The following ERGIC1 variants were observed in gnomAD, a reference collection of about 807,000 sequenced individuals.
ERGIC1 encodes endoplasmic reticulum-golgi intermediate compartment 1, also known as endoplasmic reticulum-Golgi intermediate compartment protein 1.
In ERGIC1, 19 loss-of-function variants were observed where a neutral mutation model predicts 38.3. The observed-to-expected ratio is 0.50, with a 90% confidence interval of 0.35 to 0.73. The LOEUF is 0.73. ERGIC1 is among the 30% of genes least tolerant of loss of function. The pLI is 0.01. For synonymous variants in ERGIC1, 124 were observed against 157.6 expected (o/e 0.79, Z 1.60); for missense variants, 294 against 389.2 (o/e 0.76, Z 2.06).
chr5:172,918,331 TA>T (rs1227598278), intron 5 of ERGIC1: 1 of 152,246 alleles, frequency 6.6e-6, no homozygotes, highest in Non-Finnish European at 1.5e-5. Flanking sequence ...TTTAAGCATT[TA>T]AAACGTAGGT....
chr5:172,879,939 A>C (rs145128279), intron 1 of ERGIC1, among the ~76,000 whole-genome samples: 24 of 152,304 alleles, frequency 1.6e-4, no homozygotes, highest in African/African-American at 5.3e-4. Context: ...CCAAAAGACA[A>C]ATGTCCACTG....
chr5:172,915,877 G>T, intron 5 of ERGIC1: 1 of 302,990 alleles, frequency 3.3e-6, no homozygotes. Flanking sequence ...CTGAGCTGGG[G>T]TTGCAAAGTC....
At chr5:172,885,567 T>TG (rs906836824) in intron 1 of ERGIC1, among the ~76,000 whole-genome samples, 3 of 152,178 alleles carry the variant, frequency 2.0e-5, no homozygotes, top group Admixed American at 6.5e-5. Context: ...TTAATCTGCA[T>TG]GGGAACTTTT....
intron 9 of ERGIC1, among the ~76,000 whole-genome samples, chr5:172,947,876 TTGTGTGTG>T (rs10566172): frequency 2.6e-4 from 38 of 145,824 alleles, no homozygotes; most frequent in South Asian, 2.0e-3. Context: ...CAGATGTGTT[TTGTGTGTG>T]TGTGTGTGTG....
chr5:172,917,678 A>G (rs991208328), intron 5 of ERGIC1: 2 of 152,108 alleles, frequency 1.3e-5, no homozygotes, highest in East Asian at 1.9e-4. Context: ...TGGATGGGGG[A>G]AAAATTGACA....
chr5:172,876,154 G>T (rs6882837), intron 1 of ERGIC1, among the ~76,000 whole-genome samples: 53,712 of 151,894 alleles, frequency 0.35, 9,589 homozygotes, highest in East Asian at 0.45. Context: ...GGATCACTGC[G>T]TTCAGGCAGG....
intron 2 of ERGIC1, among the ~76,000 whole-genome samples, chr5:172,890,141 C>T (rs371329938): frequency 3.3e-5 from 5 of 152,178 alleles, no homozygotes; most frequent in Non-Finnish European, 7.3e-5. Flanking sequence ...ACGTGCATAT[C>T]GTGAGCCCCT....
chr5:172,898,280 C>T (rs561413216), intron 3 of ERGIC1: 1 of 159,144 alleles, frequency 6.3e-6, no homozygotes, highest in South Asian at 2.0e-4. Context: ...CTTTAGTTCT[C>T]AAACAGCCTC....
At chr5:172,863,151 A>G (rs927623637) in intron 1 of ERGIC1, among the ~76,000 whole-genome samples, 1 of 152,142 alleles carries the variant, frequency 6.6e-6, no homozygotes, top group African/African-American at 2.4e-5. Context: ...GGGTTTCGTC[A>G]TATTGGCCAG....
At chr5:172,835,764 C>T (rs1368305223) in intron 1 of ERGIC1, among the ~76,000 whole-genome samples, 1 of 152,198 alleles carries the variant, frequency 6.6e-6, no homozygotes, top group East Asian at 1.9e-4. Context: ...GGTTTTCCAG[C>T]CTGTCCGGGT....
intron 5 of ERGIC1, chr5:172,915,784 A>G (rs1031011308): frequency 5.7e-5 from 22 of 385,360 alleles, no homozygotes; most frequent in Non-Finnish European, 2.2e-5. Context: ...GCCCCAGCCA[A>G]ACTGAGCCAC....
In ERGIC1 at chr5:172,839,070, G is replaced by A. The variant is rs960682834; in HGVS notation, c.20+4637G>A. On this transcript the variant is annotated intron_variant, in intron 1 of 9. Coordinates refer to ENST00000393784, the MANE Select transcript of ERGIC1 (RefSeq NM_001031711.3). The stretch of plus-strand genomic sequence containing the variant: ...AGCCTGGCCAACATGGTGAAACCCC[G>A]TCTCTAATAAAAATACAAAAATCAG... 4.6e-5 allele frequency among the ~76,000 whole-genome samples: 7 copies of A among 151,544 alleles called. No individual in the cohort carries two copies. In the South Asian group the frequency reaches 1.0e-3, roughly 23 times the overall value.
Position 172,926,193 on chromosome 5 carries a change from T to G in ERGIC1, c.481-316T>G, listed in dbSNP as rs34291941. ...TAGCCACTTACCAGCCGGGCAAGTTTTGGTGTCTTTCCAAGCCTTGATTTG... is the reference window on the plus strand; with the variant it reads ...TAGCCACTTACCAGCCGGGCAAGTTGTGGTGTCTTTCCAAGCCTTGATTTG... On this transcript the variant is annotated intron_variant, in intron 6 of 9. Transcript: ENST00000393784. This position sits in a 1 kb window ranked among gnomAD's most constrained non-coding sequence, Gnocchi z 5.2. 3.9e-5 allele frequency among the ~76,000 whole-genome samples: 6 copies of G among 152,180 alleles called. No individual in the cohort carries two copies. Among genetic ancestry groups the G allele is most frequent in the African/African-American group, 1.4e-4 (6 of 41,432 alleles).
At chr5:172,858,810 A>G (rs2113086901) in intron 1 of ERGIC1, among the ~76,000 whole-genome samples, 1 of 152,326 alleles carries the variant, frequency 6.6e-6, no homozygotes, top group Non-Finnish European at 1.5e-5. Context: ...GGCCCTGCCC[A>G]AGATTCCAAG....
At chr5:172,915,743 C>A in intron 5 of ERGIC1, 1 of 427,550 alleles carries the variant, frequency 2.3e-6, no homozygotes, top group Non-Finnish European at 5.0e-6. Context: ...GGTCACACAG[C>A]TATCTGCATG....
At position 172,950,893 on chromosome 5, in the gene ERGIC1, C is replaced by G; in HGVS notation, c.*77C>G. 3.9e-6 allele frequency: 5 copies of G among 1,290,156 alleles called. No homozygotes were observed. Among genetic ancestry groups the G allele is most frequent in the Non-Finnish European group, 5.4e-6 (5 of 932,996 alleles). The allele number at this position is 1,290,156 out of a possible 1,614,324, so 79.9% of individuals were successfully genotyped here. On this transcript the variant is annotated 3_prime_UTR_variant, in exon 10 of 10. Coordinates refer to ENST00000393784, the MANE Select transcript of ERGIC1 (RefSeq NM_001031711.3). ...CCAGTGCCCTGTCTCCTTTGGCCCT[C>G]AATCTGGTCCCAAATCTGGCTGTGT...
At chr5:172,872,801 G>T (rs1218044216) in intron 1 of ERGIC1, among the ~76,000 whole-genome samples, 1 of 151,324 alleles carries the variant, frequency 6.6e-6, no homozygotes, top group Non-Finnish European at 1.5e-5. Flanking sequence ...GGCAACAAGA[G>T]CAAAACTCTA....
At chr5:172,908,315 G>GC (rs1220727272) in intron 3 of ERGIC1, among the ~76,000 whole-genome samples, 1,648 of 8,354 alleles carry the variant, frequency 0.2, 287 homozygotes, top group Non-Finnish European at 0.39. Context: ...GCGGGGGGGG[G>GC]GGGAGAGAGG....
intron 1 of ERGIC1, among the ~76,000 whole-genome samples, chr5:172,840,503 A>G (rs766117743): frequency 1.7e-4 from 26 of 152,206 alleles, no homozygotes; most frequent in Non-Finnish European, 3.5e-4. Flanking sequence ...ATTCTAATGC[A>G]CAGCCAAGAC....
Sources: allele counts gnomAD v4.1 joint callset (sites outside exome capture counted in the v4.1 genomes callset), GRCh38; gene constraint gnomAD v4.1.1; non-coding constraint Gnocchi (gnomAD v3.1); transcripts MANE v1.5; gene names NCBI Gene and HGNC (gene_info 2026-07-23, HGNC 2026-07-21).